The following YTHDC2 variants were observed in gnomAD, a reference collection of about 807,000 sequenced individuals.
YTHDC2 encodes the protein YTH N6-methyladenosine RNA binding protein C2.
A neutral mutation model predicts 174.9 loss-of-function variants in YTHDC2; 45 were observed. That is an observed-to-expected ratio of 0.26 (90% CI 0.20 to 0.33). The LOEUF is 0.33. Among genes scored for constraint, YTHDC2 ranks in the 10% least tolerant of loss-of-function variants. The pLI is 1.00. For missense variants in YTHDC2, 1,650 were observed against 1,723.7 expected, an observed-to-expected ratio of 0.96 and a Z score of 0.76; for synonymous variants, 657 against 574.5, an observed-to-expected ratio of 1.14 and a Z score of -2.05.
At chr5:113,556,492 G>T (rs571882379) in intron 17 of YTHDC2, 2 of 161,092 alleles carry the variant, frequency 1.2e-5, no homozygotes, top group East Asian at 1.8e-4. Context: ...TGGATAAAGG[G>T]CACAAATAGG....
intron 23 of YTHDC2, among the ~76,000 whole-genome samples, chr5:113,573,212 C>G (rs1179678877): frequency 6.6e-6 from 1 of 152,158 alleles, no homozygotes; most frequent in Non-Finnish European, 1.5e-5. Flanking sequence ...GATCTTATTT[C>G]TCCTTCACTT....
At chr5:113,549,303 A>G (rs970265559) in intron 12 of YTHDC2, among the ~76,000 whole-genome samples, 2 of 152,186 alleles carry the variant, frequency 1.3e-5, no homozygotes, top group African/African-American at 4.8e-5. Context: ...TAAAATGACA[A>G]TGAAGCAATA....
At chr5:113,592,215 TTCTG>T in intron 28 of YTHDC2, 37 bp downstream of exon 28, 1 of 1,538,408 alleles carries the variant, frequency 6.5e-7, no homozygotes, top group Non-Finnish European at 8.8e-7. Flanking sequence ...TTACTTTTGT[TTCTG>T]TTTGTTTTCT....
At chr5:113,577,604 T>C (rs759079576) in intron 23 of YTHDC2, among the ~76,000 whole-genome samples, 4 of 152,146 alleles carry the variant, frequency 2.6e-5, no homozygotes, top group African/African-American at 4.8e-5. Flanking sequence ...TTCTGTGCTC[T>C]TACAATCTGC....
intron 4 of YTHDC2, among the ~76,000 whole-genome samples, chr5:113,531,060 TC>T (rs1430266249): frequency 1.3e-5 from 2 of 152,248 alleles, no homozygotes; most frequent in African/African-American, 2.4e-5. Context: ...TTACCTTGGC[TC>T]CTTTGTAGGT....
chr5:113,568,723 C>T (rs1580609419), intron 23 of YTHDC2, among the ~76,000 whole-genome samples: 1 of 152,182 alleles, frequency 6.6e-6, no homozygotes, highest in Non-Finnish European at 1.5e-5. Context: ...TTTATGGCTG[C>T]ATAGTATCCC....
At chr5:113,545,289 G>A (rs1302200336) in intron 10 of YTHDC2, among the ~76,000 whole-genome samples, 2 of 151,770 alleles carry the variant, frequency 1.3e-5, no homozygotes, top group African/African-American at 4.8e-5. Context: ...AGGGTTTTTT[G>A]ACTTTTTTTT....
Position 113,559,294 on chromosome 5 carries a change from A to C in YTHDC2, c.2217-1786A>C, listed in dbSNP as rs569032071. Among the ~76,000 whole-genome samples the C allele has an allele frequency of 2.0e-5, 3 of 152,312 alleles. No homozygotes were observed. In the South Asian group the frequency reaches 6.2e-4, roughly 32 times the overall value. ...TTTGCACCAAAATAAACTCATATTA[A>C]CTTGTTATAACGTATCTGAACAGGA... On this transcript the variant is annotated intron_variant, in intron 17 of 29. Coordinates refer to ENST00000161863, the MANE Select transcript of YTHDC2 (RefSeq NM_022828.5).
chr5:113,552,384 C>T (rs995657168), intron 12 of YTHDC2, among the ~76,000 whole-genome samples: 2 of 152,090 alleles, frequency 1.3e-5, no homozygotes, highest in African/African-American at 4.8e-5. Context: ...AACCACTAAT[C>T]TACTTCCAGT....
At chr5:113,527,817 C>G (rs1295968918) in intron 4 of YTHDC2, among the ~76,000 whole-genome samples, 1 of 152,056 alleles carries the variant, frequency 6.6e-6, no homozygotes, top group Non-Finnish European at 1.5e-5. Context: ...GAGACCAAGT[C>G]TCTGTCTGTC....
intron 2 of YTHDC2, among the ~76,000 whole-genome samples, chr5:113,516,576 T>C (rs148192691): frequency 9.8e-5 from 15 of 152,286 alleles, no homozygotes; most frequent in Non-Finnish European, 1.9e-4. Context: ...CCATAGCCAT[T>C]ACTACTACAT....
intron 12 of YTHDC2, among the ~76,000 whole-genome samples, chr5:113,549,284 A>C (rs1301233861): frequency 6.6e-6 from 1 of 152,154 alleles, no homozygotes; most frequent in Non-Finnish European, 1.5e-5. Context: ...ACATTTCTCA[A>C]AACCTCACTA....
chr5:113,562,761 A>G (rs1777077962), intron 18 of YTHDC2, among the ~76,000 whole-genome samples: 2 of 152,148 alleles, frequency 1.3e-5, no homozygotes, highest in Admixed American at 1.3e-4. Context: ...CTTCAGGAAA[A>G]CTATCTGTAA....
intron 26 of YTHDC2, among the ~76,000 whole-genome samples, chr5:113,585,572 C>G (rs969849775): frequency 6.6e-6 from 1 of 151,844 alleles, no homozygotes; most frequent in African/African-American, 2.4e-5. Context: ...TGTAACTATA[C>G]CACAATCATC....
rs573340793 is a variant in YTHDC2, at chr5:113,514,059, G to A, written c.164G>A (p.Arg55His). The A allele has an allele frequency of 2.5e-6, 4 of 1,612,240 alleles. No homozygotes were observed. Among genetic ancestry groups the A allele is most frequent in the South Asian group, 2.2e-5 (2 of 90,644 alleles). The change falls in exon 1 of 30, where the codon CGC (arginine) becomes CAC (histidine). Residue 55 changes from arginine to histidine, a missense_variant. Coordinates refer to ENST00000161863, the MANE Select transcript of YTHDC2 (RefSeq NM_022828.5). The part of the protein sequence containing the change: ...VKIAVNIALE[R>H]FRYGDQREME... ...ATCGCAGTCAATATCGCGCTGGAGC[G>A]CTTCCGATACGGGGACCAGAGAGGT...
At chr5:113,575,817 G>A (rs541477928) in intron 23 of YTHDC2, among the ~76,000 whole-genome samples, 1 of 152,276 alleles carries the variant, frequency 6.6e-6, no homozygotes, top group South Asian at 2.1e-4. Flanking sequence ...AAGAGTGGAG[G>A]CAGGTAGGAG....
In YTHDC2 at chr5:113,551,640, A is replaced by G. The variant is rs1776258142; in HGVS notation, c.1689-1541A>G. 3.9e-5 allele frequency among the ~76,000 whole-genome samples: 6 copies of G among 152,120 alleles called. No individual in the cohort carries two copies. In the South Asian group the frequency reaches 1.2e-3, roughly 32 times the overall value. Reference sequence around the variant, plus strand: ...GGGATAGGGGAGGGATAGCATTAGGAGAAATACCTAATGTAAATGAAGGGT... The same window carrying G: ...GGGATAGGGGAGGGATAGCATTAGGGGAAATACCTAATGTAAATGAAGGGT... On this transcript the variant is annotated intron_variant, in intron 12 of 29. Coordinates refer to ENST00000161863, the MANE Select transcript of YTHDC2 (RefSeq NM_022828.5).
chr5:113,586,853 ATCTCTCTC>A (rs367950987), intron 26 of YTHDC2, among the ~76,000 whole-genome samples: 1 of 126,310 alleles, frequency 7.9e-6, no homozygotes, highest in Admixed American at 8.3e-5. Context: ...TTTCATTAAT[ATCTCTCTC>A]TCTCTCTCTC....
intron 6 of YTHDC2, among the ~76,000 whole-genome samples, chr5:113,535,080 G>A (rs1280718342): frequency 6.6e-6 from 1 of 152,036 alleles, no homozygotes; most frequent in African/African-American, 2.4e-5. Context: ...ATTTTTTGTA[G>A]TTTTATATTT....
Sources: allele counts gnomAD v4.1 joint callset (sites outside exome capture counted in the v4.1 genomes callset), GRCh38; gene constraint gnomAD v4.1.1; transcripts MANE v1.5; gene names NCBI Gene and HGNC (gene_info 2026-07-23, HGNC 2026-07-21).